ADGRG4: variants seen among roughly 807,000 people sequenced by gnomAD.
The protein encoded by ADGRG4 is adhesion G protein-coupled receptor G4, also known as G protein-coupled receptor 112.
A neutral mutation model predicts 126.2 loss-of-function variants in ADGRG4; 122 were observed. The observed-to-expected ratio is 0.97, with a 90% CI of 0.83 to 1.12. ADGRG4 has a LOEUF of 1.12. Ranked by LOEUF, ADGRG4 falls within the 50% of genes most tolerant of loss-of-function variation. The probability of loss-of-function intolerance (pLI) is 0.00; values close to 1 mark genes in which losing one functional copy is unlikely to be tolerated. For synonymous variants in ADGRG4, 943 were observed against 838.7 expected, an observed-to-expected ratio of 1.12 and a Z score of -2.15; for missense variants, 2,481 against 2,251.8, an observed-to-expected ratio of 1.10 and a Z score of -2.06.
At chrX:136,415,358 CTCTG>C (rs1489298103) in intron 25 of ADGRG4, among the ~76,000 whole-genome samples, 2 of 111,835 alleles carry the variant, frequency 1.8e-5, no homozygotes, top group Non-Finnish European at 3.8e-5. Context: ...CTGTCAGTCA[CTCTG>C]TGACCTTGAG....
intron 4 of ADGRG4, among the ~76,000 whole-genome samples, chrX:136,310,419 TTCATGAG>T (rs2074761281): frequency 8.9e-6 from 1 of 111,757 alleles, no homozygotes; most frequent in South Asian, 3.8e-4. Flanking sequence ...AAGTCTCAAA[TTCATGAG>T]TCAAACAAGT....
At chrX:136,326,482 A>G (rs1332963523) in intron 5 of ADGRG4, among the ~76,000 whole-genome samples, 1 of 111,730 alleles carries the variant, frequency 9.0e-6, no homozygotes, top group East Asian at 2.8e-4. Context: ...TGCAAAACAC[A>G]TGTTCTTTTC....
At chrX:136,358,094 G>A (rs2075105636) in intron 10 of ADGRG4, among the ~76,000 whole-genome samples, 1 of 111,659 alleles carries the variant, frequency 9.0e-6, no homozygotes, top group Non-Finnish European at 1.9e-5. Context: ...AACATGGAAA[G>A]TAGCTTCGGT....
At chrX:136,410,313 T>C (rs1213094256) in intron 23 of ADGRG4, among the ~76,000 whole-genome samples, 2 of 111,666 alleles carry the variant, frequency 1.8e-5, no homozygotes, top group Admixed American at 9.5e-5. Flanking sequence ...CTTCACCGTA[T>C]TCTTGAATAC....
intron 19 of ADGRG4, among the ~76,000 whole-genome samples, chrX:136,396,828 C>T (rs1347430123): frequency 9.7e-6 from 1 of 103,310 alleles, no homozygotes; most frequent in Admixed American, 1.1e-4. Flanking sequence ...CTTGCTCTGT[C>T]ACCAGGCTGG....
chrX:136,301,418 AC>A (rs1372027614), intron 1 of ADGRG4, among the ~76,000 whole-genome samples: 1 of 111,955 alleles, frequency 8.9e-6, no homozygotes, highest in Admixed American at 9.4e-5. Context: ...TCCTTCACCC[AC>A]TTTTTGATGG....
At chrX:136,378,343 T>G (rs512308) in intron 15 of ADGRG4, among the ~76,000 whole-genome samples, 37,215 of 110,360 alleles carry the variant, frequency 0.34, 4,791 homozygotes, top group Non-Finnish European at 0.4. Context: ...CACATTTTGT[T>G]TCTTATGCAC....
intron 1 of ADGRG4, among the ~76,000 whole-genome samples, chrX:136,301,839 A>C (rs1260739106): frequency 8.9e-6 from 1 of 111,893 alleles, no homozygotes; most frequent in African/African-American, 3.3e-5. Flanking sequence ...TAAATAGGGA[A>C]TCCTTTCCCC....
chrX:136,348,851 G>A lies in ADGRG4; in HGVS notation c.5145G>A (p.Leu1715=). 1 of 1,209,494 alleles carries A rather than the reference G, an allele frequency of 8.3e-7. No individual in the cohort carries two copies. The stretch of plus-strand genomic sequence containing the variant: ...CACAAGCAGATGAGGCTACAACTTT[G>A]GGCATATTATCTGGGATTACTAACA... The part of the protein sequence containing the change: ...QSSQADEATT[L]GILSGITNRS... The change falls in exon 6 of 26, where the codon TTG becomes TTA. Residue 1715 remains leucine, a synonymous_variant. Transcript: ENST00000394143.
chrX:136,362,270 C>T (rs1382411567), intron 12 of ADGRG4, among the ~76,000 whole-genome samples: 1 of 110,913 alleles, frequency 9.0e-6, no homozygotes, highest in African/African-American at 3.3e-5. Context: ...CCTTTTCCTC[C>T]CTGTGTCTAA....
intron 18 of ADGRG4, 119 bp from the exon 19 acceptor site, chrX:136,395,271 C>A: frequency 2.3e-6 from 1 of 433,496 alleles, no homozygotes; most frequent in Non-Finnish European, 4.0e-6. Context: ...TACCCCTAAT[C>A]TTGCTATCTC....
chrX:136,383,148 T>C (rs1168329174), intron 15 of ADGRG4, among the ~76,000 whole-genome samples: 1 of 112,056 alleles, frequency 8.9e-6, no homozygotes, highest in Non-Finnish European at 1.9e-5. Context: ...CATTCTACAG[T>C]TGTTGGATAT....
At chrX:136,327,923 T>TATAA (rs2074884056) in intron 5 of ADGRG4, among the ~76,000 whole-genome samples, 2 of 111,328 alleles carry the variant, frequency 1.8e-5, no homozygotes, top group South Asian at 7.5e-4. Flanking sequence ...TACATAAAAG[T>TATAA]ATAAATCTAA....
At chrX:136,378,869 T>C (rs778184595) in intron 15 of ADGRG4, among the ~76,000 whole-genome samples, 1 of 112,321 alleles carries the variant, frequency 8.9e-6, no homozygotes, top group Non-Finnish European at 1.9e-5. Context: ...ATCATGTTTA[T>C]GTATTGCTAT....
chrX:136,405,012 T>C (rs2148499707), intron 22 of ADGRG4, among the ~76,000 whole-genome samples: 1 of 112,092 alleles, frequency 8.9e-6, no homozygotes, highest in Admixed American at 9.5e-5. Context: ...ATTGCAAATG[T>C]TATTAAATGG....
At chrX:136,369,964 A>G (rs963182421) in intron 13 of ADGRG4, among the ~76,000 whole-genome samples, 1 of 111,624 alleles carries the variant, frequency 9.0e-6, no homozygotes, top group Non-Finnish European at 1.9e-5. Flanking sequence ...TTGCAGGAAA[A>G]AAAAAGAGAA....
At chrX:136,311,309 C>T (rs781083614) in intron 4 of ADGRG4, among the ~76,000 whole-genome samples, 1 of 109,671 alleles carries the variant, frequency 9.1e-6, no homozygotes, top group Non-Finnish European at 1.9e-5. Flanking sequence ...ATGGTGCTGG[C>T]TATTGGCTGT....
chrX:136,313,344 C>A (rs770873207), intron 4 of ADGRG4, among the ~76,000 whole-genome samples: 1 of 111,908 alleles, frequency 8.9e-6, no homozygotes, highest in Non-Finnish European at 1.9e-5. Context: ...TGATCATAGC[C>A]ATCCTATTGG....
intron 23 of ADGRG4, among the ~76,000 whole-genome samples, chrX:136,408,945 C>T (rs920403994): frequency 2.7e-5 from 3 of 110,037 alleles, no homozygotes; most frequent in African/African-American, 1.0e-4. Context: ...TGCCTTATGC[C>T]CATCAAGCAC....
Sources: gnomAD v4.1 joint callset for allele counts (sites outside exome capture counted in the v4.1 genomes callset) on GRCh38, gnomAD v4.1.1 for gene constraint, MANE v1.5 for transcripts, NCBI Gene and HGNC (gene_info 2026-07-23, HGNC 2026-07-21) for gene names.